ATG4B: variants seen among roughly 807,000 people sequenced by gnomAD.
ATG4B encodes the protein autophagy related 4B cysteine peptidase.
A neutral mutation model predicts 56.6 loss-of-function variants in ATG4B; 29 were observed. That is an observed-to-expected ratio of 0.51 (90% CI 0.38 to 0.70). ATG4B has a LOEUF of 0.70. ATG4B is among the 30% of genes least tolerant of loss of function. ATG4B has a pLI of 0.00. For missense variants in ATG4B, 461 were observed against 515.5 expected, an observed-to-expected ratio of 0.89 and a Z score of 1.02; for synonymous variants, 224 against 206.1, an observed-to-expected ratio of 1.09 and a Z score of -0.74.
intron 7 of ATG4B, among the ~76,000 whole-genome samples, chr2:241,666,330 AG>A (rs1443761165): frequency 6.6e-6 from 1 of 152,234 alleles, no homozygotes. Context: ...CCAGGCTGGC[AG>A]GCTGCGTGGG....
intron 8 of ATG4B, 130 bp downstream of exon 8, chr2:241,666,968 GT>G: frequency 1.8e-6 from 2 of 1,089,632 alleles, no homozygotes; most frequent in South Asian, 1.5e-5. Context: ...AACAACCCTG[GT>G]TTACACCGTT....
intron 7 of ATG4B, among the ~76,000 whole-genome samples, chr2:241,666,283 G>A (rs1351525912): frequency 6.6e-6 from 1 of 152,244 alleles, no homozygotes; most frequent in Non-Finnish European, 1.5e-5. Context: ...TGCTGAGGAG[G>A]CCCGGAGGGA....
chr2:241,650,770 C>T (rs1034114302), intron 1 of ATG4B, among the ~76,000 whole-genome samples: 3 of 151,940 alleles, frequency 2.0e-5, no homozygotes, highest in Non-Finnish European at 4.4e-5. Context: ...CATGCTGGCC[C>T]CACCTCCCTG....
intron 8 of ATG4B, 172 bp from the exon 9 acceptor site, chr2:241,667,971 G>A: frequency 1.7e-6 from 1 of 598,196 alleles, no homozygotes; most frequent in South Asian, 2.1e-5. Flanking sequence ...GTGCCTGTGG[G>A]ATGTCCTGTG....
intron 1 of ATG4B, among the ~76,000 whole-genome samples, chr2:241,649,519 T>C (rs1398695270): frequency 6.6e-6 from 1 of 152,236 alleles, no homozygotes; most frequent in Non-Finnish European, 1.5e-5. Flanking sequence ...TCAGACACCA[T>C]CAGAGCTGGA....
rs1456121852 is a variant in ATG4B at position 241,673,679 on chromosome 2, C to T, written c.*1415C>T. 1.3e-5 allele frequency: 6 copies of T among 455,810 alleles called. No homozygotes were observed. The highest frequency in any genetic ancestry group is 8.0e-5 in the African/African-American group (4 of 50,026). The allele number at this position is 455,810 out of a possible 1,614,324, so 28.2% of individuals were successfully genotyped here. On this transcript the variant is annotated 3_prime_UTR_variant, in exon 13 of 13. Coordinates refer to ENST00000404914, the MANE Select transcript of ATG4B (RefSeq NM_013325.5). ...ATCTCCATTCCTTGGGCTCCACGTC[C>T]GAGTTCATGGTGCGCCGCTGTGCTG... is the stretch of plus-strand genomic sequence containing the variant.
chr2:241,665,789 T>G (rs2068741766), intron 7 of ATG4B, among the ~76,000 whole-genome samples: 1 of 152,236 alleles, frequency 6.6e-6, no homozygotes, highest in South Asian at 2.1e-4. Flanking sequence ...AGCCTGTCCT[T>G]TCCTTTCACG....
chr2:241,656,113 C>G (rs145267127), intron 6 of ATG4B, among the ~76,000 whole-genome samples: 2 of 151,346 alleles, frequency 1.3e-5, no homozygotes, highest in Admixed American at 1.3e-4. Context: ...GCCTCTCCTT[C>G]TGCATCTGCC....
In ATG4B at chr2:241,668,841, A is replaced by T; in HGVS notation, c.957+156A>T. On this transcript the variant is annotated intron_variant, in intron 10 of 12. Coordinates refer to ENST00000404914, the MANE Select transcript of ATG4B (RefSeq NM_013325.5). The surrounding 1 kb of genome is among the most constrained non-coding windows in gnomAD (Gnocchi z 4.2). Reference sequence around the variant, plus strand: ...GAATCTGAAGGGTATAAGAGCCGGAACTGTGTCCTTGCACCCTCACGTCCC... The same window carrying T: ...GAATCTGAAGGGTATAAGAGCCGGATCTGTGTCCTTGCACCCTCACGTCCC... 1 of 1,133,122 alleles carries T rather than the reference A, an allele frequency of 8.8e-7. No homozygotes were observed. The allele number at this position is 1,133,122 out of a possible 1,614,324, so 70.2% of individuals were successfully genotyped here.
At chr2:241,638,894 G>C (rs1247322199) in intron 1 of ATG4B, among the ~76,000 whole-genome samples, 3 of 152,192 alleles carry the variant, frequency 2.0e-5, no homozygotes, top group Non-Finnish European at 4.4e-5. Flanking sequence ...TTTTACAACT[G>C]TTGTATTATA....
chr2:241,646,444 A>T (rs926029195), intron 1 of ATG4B, among the ~76,000 whole-genome samples: 3 of 152,200 alleles, frequency 2.0e-5, no homozygotes, highest in African/African-American at 7.2e-5. Context: ...CATACGCCAC[A>T]TTCTTCTGAA....
chr2:241,649,746 GTTTC>G (rs1002679531), intron 1 of ATG4B, among the ~76,000 whole-genome samples: 9 of 150,264 alleles, frequency 6.0e-5, no homozygotes, highest in South Asian at 4.3e-4. Flanking sequence ...GGCCTCTCTA[GTTTC>G]TTTCTTTCTT....
chr2:241,666,597 C>T (rs1213923022), intron 7 of ATG4B, 48 bp from the exon 8 acceptor site: 1 of 1,595,670 alleles, frequency 6.3e-7, no homozygotes, highest in Admixed American at 1.7e-5. Context: ...TGTGGGAGCA[C>T]TTTTGCACAG....
intron 1 of ATG4B, 51 bp downstream of exon 1, chr2:241,637,775 A>G: frequency 6.5e-7 from 1 of 1,541,480 alleles, no homozygotes; most frequent in Non-Finnish European, 8.7e-7. Flanking sequence ...TCGCCTTATC[A>G]TTGGCCTCCC....
At chr2:241,655,766 C>T (rs900676171) in intron 6 of ATG4B, among the ~76,000 whole-genome samples, 7 of 152,196 alleles carry the variant, frequency 4.6e-5, no homozygotes, top group Non-Finnish European at 1.0e-4. Flanking sequence ...GCTCACCTTC[C>T]CATACACCTC....
In ATG4B at chr2:241,651,237, G is replaced by GT. The variant is rs199770768; in HGVS notation, c.113-19dup. The GT allele has an allele frequency of 6.3e-4, 989 of 1,568,994 alleles. 3 individuals are homozygous for GT. In the African/African-American group the frequency reaches 0.011, roughly 18 times the overall value. ...CAAACTTAAGGCGTTGTGTGTGTGT[G>GT]TTTTTTTTCTTTTAAACAACCTCTA... is the stretch of plus-strand genomic sequence containing the variant. On this transcript the variant is annotated intron_variant, in intron 2 of 12. Transcript: ENST00000404914. The surrounding 1 kb of genome is among the most constrained non-coding windows in gnomAD (Gnocchi z 4.1).
intron 7 of ATG4B, among the ~76,000 whole-genome samples, chr2:241,662,890 T>C (rs1023037538): frequency 7.1e-6 from 1 of 141,160 alleles, no homozygotes; most frequent in Non-Finnish European, 1.5e-5. Flanking sequence ...AACTTCAAAA[T>C]CAATAAAGCG....
chr2:241,663,137 G>A (rs763948496), intron 7 of ATG4B, among the ~76,000 whole-genome samples: 2 of 152,194 alleles, frequency 1.3e-5, no homozygotes, highest in Admixed American at 1.3e-4. Flanking sequence ...GGAAGCTGAG[G>A]CACGAGAATT....
At chr2:241,659,251 C>G in intron 7 of ATG4B, 64 bp downstream of exon 7, 4 of 1,429,858 alleles carry the variant, frequency 2.8e-6, no homozygotes, top group Non-Finnish European at 3.9e-6. Context: ...CACACTTCCT[C>G]GCCTGAGTCC....
Sources: gnomAD v4.1 joint callset for allele counts (sites outside exome capture counted in the v4.1 genomes callset) on GRCh38, gnomAD v4.1.1 for gene constraint, Gnocchi (gnomAD v3.1) non-coding constraint, MANE v1.5 for transcripts, NCBI Gene and HGNC (gene_info 2026-07-23, HGNC 2026-07-21) for gene names.